Variants in EPHX4 observed in about 807,000 individuals in gnomAD.
EPHX4 encodes abhydrolase domain containing 7.
Under a neutral mutation model 44.9 loss-of-function variants are expected in EPHX4, and 31 were observed. The ratio of observed to expected loss-of-function variants is 0.69; its 90% confidence interval spans 0.52 to 0.93. The LOEUF (loss-of-function observed/expected upper bound fraction) is 0.93, where lower values mean the gene tolerates loss of function less well. Ranked by LOEUF, EPHX4 falls within the 40% of genes least tolerant of loss-of-function variation. The pLI is 0.00. For missense variants in EPHX4, 373 were observed against 438.1 expected (o/e 0.85, Z 1.33); for synonymous variants, 151 against 159.7 (o/e 0.95, Z 0.41).
intron 2 of EPHX4, among the ~76,000 whole-genome samples, chr1:92,040,392 T>G (rs921602626): frequency 2.0e-5 from 3 of 150,180 alleles, no homozygotes; most frequent in African/African-American, 4.9e-5. Flanking sequence ...TTGCCCAGAC[T>G]GGAGTGCAGT....
At chr1:92,037,334 T>G (rs1688453335) in intron 2 of EPHX4, among the ~76,000 whole-genome samples, 1 of 152,170 alleles carries the variant, frequency 6.6e-6, no homozygotes, top group Admixed American at 6.5e-5. Flanking sequence ...ATGGTGATAT[T>G]TCATGTATAC....
At chr1:92,062,739 G>A (rs1647526257) in intron 6 of EPHX4, among the ~76,000 whole-genome samples, 1 of 151,472 alleles carries the variant, frequency 6.6e-6, no homozygotes, top group Non-Finnish European at 1.5e-5. Context: ...ATATTTTATA[G>A]TAAATGTTGA....
chr1:92,037,153 G>T (rs1489879406), intron 2 of EPHX4, among the ~76,000 whole-genome samples: 1 of 151,990 alleles, frequency 6.6e-6, no homozygotes, highest in African/African-American at 2.4e-5. Context: ...AAATACACAT[G>T]AAAGTGTATG....
chr1:92,031,017 C>T (rs1007591506), intron 1 of EPHX4, among the ~76,000 whole-genome samples: 3 of 152,096 alleles, frequency 2.0e-5, no homozygotes, highest in Non-Finnish European at 2.9e-5. Context: ...AAATAGTTCC[C>T]GTGATACACC....
At chr1:92,054,439 A>C (rs2101874521) in intron 6 of EPHX4, among the ~76,000 whole-genome samples, 1 of 152,182 alleles carries the variant, frequency 6.6e-6, no homozygotes, top group Non-Finnish European at 1.5e-5. Context: ...AAATACAAAA[A>C]TTAGCTGGGT....
intron 4 of EPHX4, among the ~76,000 whole-genome samples, chr1:92,046,664 G>A (rs1961162): frequency 0.31 from 47,248 of 151,828 alleles, 9,341 homozygotes; most frequent in African/African-American, 0.56. Flanking sequence ...GGGTTTCGCC[G>A]TGCTGGTCAG....
At chr1:92,041,709 C>A (rs1345540095) in intron 2 of EPHX4, among the ~76,000 whole-genome samples, 2 of 152,120 alleles carry the variant, frequency 1.3e-5, no homozygotes, top group African/African-American at 4.8e-5. Flanking sequence ...TACAGATTCC[C>A]TGGTGGCTAT....
intron 2 of EPHX4, among the ~76,000 whole-genome samples, chr1:92,034,756 C>T (rs1688412997): frequency 6.6e-6 from 1 of 151,758 alleles, no homozygotes. Flanking sequence ...ATTCTCCAGC[C>T]TCAGCCTCCC....
In EPHX4 at chr1:92,030,216, G is replaced by A; in HGVS notation, c.137G>A (p.Gly46Glu). 1 of 1,605,954 alleles carries A rather than the reference G, an allele frequency of 6.2e-7. No individual in the cohort carries two copies. The highest frequency in any genetic ancestry group is 8.5e-7 in the Non-Finnish European group (1 of 1,176,390). Residue 46 changes from glycine to glutamate, a missense_variant, in exon 1 of 7, where the codon GGG (glycine) becomes GAG (glutamate). Coordinates refer to ENST00000370383, the MANE Select transcript of EPHX4 (RefSeq NM_173567.5). ...AAACTTTTGTGGAGCCTCGGCAAGGGGCCGGCGCAGACCTTCCGGCGGCCC... is the reference window on the plus strand; with the variant it reads ...AAACTTTTGTGGAGCCTCGGCAAGGAGCCGGCGCAGACCTTCCGGCGGCCC... ...LLKLLWSLGK[G>E]PAQTFRRPAR... is the part of the protein sequence containing the mutation.
intron 4 of EPHX4, among the ~76,000 whole-genome samples, chr1:92,047,152 T>G (rs925351972): frequency 6.6e-6 from 1 of 152,252 alleles, no homozygotes; most frequent in African/African-American, 2.4e-5. Flanking sequence ...AGGCTCACTT[T>G]GTTAACTTTC....
At chr1:92,034,325 G>T (rs1438048844) in intron 2 of EPHX4, among the ~76,000 whole-genome samples, 3 of 149,576 alleles carry the variant, frequency 2.0e-5, no homozygotes, top group Admixed American at 1.3e-4. Flanking sequence ...AAAAAAGGGT[G>T]GTACATATCA....
At chr1:92,040,394 G>C (rs1688493736) in intron 2 of EPHX4, among the ~76,000 whole-genome samples, 1 of 149,910 alleles carries the variant, frequency 6.7e-6, no homozygotes, top group East Asian at 2.0e-4. Flanking sequence ...GCCCAGACTG[G>C]AGTGCAGTGG....
At chr1:92,047,139 G>C (rs1688594028) in intron 4 of EPHX4, among the ~76,000 whole-genome samples, 2 of 152,324 alleles carry the variant, frequency 1.3e-5, no homozygotes, top group Admixed American at 1.3e-4. Context: ...TCCTTGACAT[G>C]ATAGGCTCAC....
chr1:92,042,815 T>G lies in EPHX4; in HGVS notation c.318-8T>G. ...ATGATATTTTAAATGCTTCCTTTTT[T>G]CCTGCAGGTATTCTTGGCGTTACCA... On this transcript the variant is annotated splice_region_variant and splice_polypyrimidine_tract_variant and intron_variant, in intron 2 of 6. Transcript: ENST00000370383. 3.1e-6 allele frequency: 5 copies of G among 1,605,604 alleles called. No individual in the cohort carries two copies. Among genetic ancestry groups the G allele is most frequent in the Non-Finnish European group, 4.2e-6 (5 of 1,177,212 alleles).
Position 92,030,178 on chromosome 1 carries a change from C to T in EPHX4, c.99C>T (p.Ser33=). Residue 33 remains serine (S), a synonymous_variant, in exon 1 of 7, where the codon TCC becomes TCT. Transcript: ENST00000370383. Reference sequence around the variant, plus strand: ...ACTGCTACTGCGGGCTCTGCGCCTCCATCCACCTGCTCAAACTTTTGTGGA... The same window carrying T: ...ACTGCTACTGCGGGCTCTGCGCCTCTATCCACCTGCTCAAACTTTTGTGGA... ...LVYCYCGLCA[S]IHLLKLLWSL... 1 of 1,612,162 alleles carries T rather than the reference C, an allele frequency of 6.2e-7. No individual in the cohort carries two copies. Among genetic ancestry groups the T allele is most frequent in the Non-Finnish European group, 8.5e-7 (1 of 1,179,200 alleles).
chr1:92,063,418 C>A lies in EPHX4; in HGVS notation c.*132C>A. ...GCTTTATCATAAATAAATATCCTGA[C>A]AAATGGTATTGAAAAAAATCTGAGA... is the stretch of plus-strand genomic sequence containing the variant. On this transcript the variant is annotated 3_prime_UTR_variant, in exon 7 of 7. Coordinates refer to ENST00000370383, the MANE Select transcript of EPHX4 (RefSeq NM_173567.5). 1 of 633,746 alleles carries A rather than the reference C, an allele frequency of 1.6e-6. No homozygotes were observed. The allele number at this position is 633,746 out of a possible 1,614,324, so 39.3% of individuals were successfully genotyped here. A position where few individuals can be genotyped will look rare whatever the true frequency, so the allele number is the denominator to read the frequency against.
intron 5 of EPHX4, among the ~76,000 whole-genome samples, chr1:92,051,602 A>G (rs754700249): frequency 3.3e-5 from 5 of 152,086 alleles, no homozygotes; most frequent in Non-Finnish European, 7.3e-5. Context: ...TTGGTGATCT[A>G]GAGGCTTGAT....
chr1:92,053,664 G>C (rs1647303321), intron 6 of EPHX4, among the ~76,000 whole-genome samples: 1 of 152,084 alleles, frequency 6.6e-6, no homozygotes, highest in Non-Finnish European at 1.5e-5. Flanking sequence ...AATTGACAGG[G>C]GTTGGCAATG....
chr1:92,037,687 G>C (rs1358542900), intron 2 of EPHX4, among the ~76,000 whole-genome samples: 1 of 152,160 alleles, frequency 6.6e-6, no homozygotes, highest in Non-Finnish European at 1.5e-5. Flanking sequence ...AGAGGAGGAG[G>C]ATAGTCTACA....
Sources: gnomAD v4.1 joint callset for allele counts (sites outside exome capture counted in the v4.1 genomes callset) on GRCh38, gnomAD v4.1.1 for gene constraint, MANE v1.5 for transcripts, NCBI Gene and HGNC (gene_info 2026-07-23, HGNC 2026-07-21) for gene names.